LTBP4: variants seen among roughly 807,000 people sequenced by gnomAD.
LTBP4 encodes latent-transforming growth factor beta-binding protein 4.
Under a neutral mutation model 180.2 loss-of-function variants are expected in LTBP4, and 93 were observed. That is an observed-to-expected ratio of 0.52 (90% CI 0.44 to 0.61). The LOEUF is 0.61. Among genes scored for constraint, LTBP4 ranks in the 20% least tolerant of loss-of-function variants. The pLI, the probability that LTBP4 is intolerant of heterozygous loss-of-function variation, is 0.00. For missense variants in LTBP4, 2,116 were observed against 2,256.5 expected (o/e 0.94, Z 1.26); for synonymous variants, 947 against 934.5 (o/e 1.01, Z -0.24).
At chr19:40,599,370 A>G, upstream of LTBP4, 1 of 1,609,964 alleles carries the variant, frequency 6.2e-7, no homozygotes, top group Non-Finnish European at 8.5e-7. Flanking sequence ...CATTTGGTAG[A>G]GAAGTACTTG....
intron 21 of LTBP4, among the ~76,000 whole-genome samples, chr19:40,617,462 G>A (rs1304892284): frequency 6.6e-6 from 1 of 152,082 alleles, no homozygotes; most frequent in East Asian, 1.9e-4. Flanking sequence ...TGGTCAACAT[G>A]GTGAAACCCC....
upstream of LTBP4, among the ~76,000 whole-genome samples, chr19:40,598,137 G>T (rs368694346): frequency 7.1e-6 from 1 of 140,254 alleles, no homozygotes; most frequent in Admixed American, 7.3e-5. Flanking sequence ...CCCGCCTGGC[G>T]GCCCAGCGCT....
chr19:40,618,096 C>T (rs554089618), intron 21 of LTBP4, among the ~76,000 whole-genome samples: 1 of 151,660 alleles, frequency 6.6e-6, no homozygotes, highest in Non-Finnish European at 1.5e-5. Flanking sequence ...TGGGGTCTTG[C>T]TCTGTTGCCC....
upstream of LTBP4, among the ~76,000 whole-genome samples, chr19:40,596,979 C>G (rs2081393775): frequency 6.6e-6 from 1 of 152,076 alleles, no homozygotes; most frequent in Admixed American, 6.6e-5. Flanking sequence ...TCCTAATTTC[C>G]CCCCACCGCG....
intron 1 of LTBP4, among the ~76,000 whole-genome samples, chr19:40,593,833 G>T (rs944269103): frequency 6.6e-6 from 1 of 151,702 alleles, no homozygotes; most frequent in Admixed American, 6.6e-5. Flanking sequence ...TTTCTCTGTT[G>T]CCCGGGTTGG....
intron 1 of LTBP4, chr19:40,593,228 A>G (rs1450659795): frequency 6.2e-7 from 1 of 1,611,228 alleles, no homozygotes; most frequent in Non-Finnish European, 8.5e-7. Flanking sequence ...TGTGCACCTC[A>G]AACCCTAATT....
chr19:40,596,877 C>A (rs2081393196), upstream of LTBP4, among the ~76,000 whole-genome samples: 1 of 152,088 alleles, frequency 6.6e-6, no homozygotes, highest in Admixed American at 6.6e-5. Context: ...GGACCCTGCC[C>A]CCAACCCCGC....
intron 19 of LTBP4, among the ~76,000 whole-genome samples, chr19:40,615,631 G>A (rs1272078623): frequency 3.9e-5 from 6 of 152,120 alleles, no homozygotes; most frequent in Non-Finnish European, 7.3e-5. Flanking sequence ...GGTGGCATGC[G>A]CCTGTAGTCC....
Position 40,619,364 on chromosome 19 carries a change from A to G in LTBP4, c.3088A>G (p.Thr1030Ala). The G allele has an allele frequency of 6.2e-7, 1 of 1,613,814 alleles. No individual in the cohort carries two copies. Reference protein sequence around the residue: ...RHCVDVNECETLQGVCGAALC... With the variant: ...RHCVDVNECEALQGVCGAALC... ...GCTTACAGATGTGAACGAGTGTGAAACACTACAGGGTGTATGTGGAGCTGC... is the reference window on the plus strand; with the variant it reads ...GCTTACAGATGTGAACGAGTGTGAAGCACTACAGGGTGTATGTGGAGCTGC... Residue 1030 changes from threonine (T) to alanine (A), a missense_variant, in exon 22 of 30, where the codon ACA becomes GCA. Around this residue, in one of 5 missense-constraint regions of LTBP4, gnomAD observed 278 missense variants for 373.0 expected, o/e 0.75. Coordinates refer to ENST00000396819, the MANE Select transcript of LTBP4 (RefSeq NM_001042545.2).
At chr19:40,594,065 T>C (rs1599853477) in intron 1 of LTBP4, among the ~76,000 whole-genome samples, 1 of 138,126 alleles carries the variant, frequency 7.2e-6, no homozygotes, top group African/African-American at 2.7e-5. Context: ...CCCAAAGTGC[T>C]GGGATTACAG....
At chr19:40,606,359 G>A (rs760663935) in intron 5 of LTBP4, 45 bp from the exon 6 acceptor site, 1 of 1,604,610 alleles carries the variant, frequency 6.2e-7, no homozygotes, top group Non-Finnish European at 8.5e-7. Context: ...GGGATTTGCA[G>A]GGATCAAGTT....
At chr19:40,595,723 G>T (rs2081386317) in intron 1 of LTBP4, among the ~76,000 whole-genome samples, 1 of 151,820 alleles carries the variant, frequency 6.6e-6, no homozygotes, top group Non-Finnish European at 1.5e-5. Context: ...ATAGTTTTAT[G>T]TATTTATTTA....
upstream of LTBP4, chr19:40,597,398 T>C: frequency 6.7e-7 from 1 of 1,499,662 alleles, no homozygotes; most frequent in Non-Finnish European, 8.9e-7. Flanking sequence ...CCCTGCTTCC[T>C]TGTGCCCCTT....
chr19:40,608,349 C>A lies in LTBP4; in HGVS notation c.1286C>A (p.Ala429Asp). The change falls in exon 8 of 30, where the codon GCC (alanine) becomes GAC (aspartate). Residue 429 changes from alanine to aspartate, a missense_variant. Ala to Asp is a moderately radical substitution (Grantham distance 126). This residue lies in a region of LTBP4 where 877 missense variants were observed against 873.6 expected (regional missense o/e 1.00). Transcript: ENST00000396819. Reference protein sequence around the residue: ...VSLSQPRTLPATSRPSAGFLP... With the variant: ...VSLSQPRTLPDTSRPSAGFLP... ...CTCAGCCAGCCTCGTACCCTGCCAGCCACCTCTCGGCCATCTGCAGGTGAG... is the reference window on the plus strand; with the variant it reads ...CTCAGCCAGCCTCGTACCCTGCCAGACACCTCTCGGCCATCTGCAGGTGAG... The A allele has an allele frequency of 4.3e-6, 7 of 1,613,324 alleles. No individual in the cohort carries two copies. Among genetic ancestry groups the A allele is most frequent in the Non-Finnish European group, 5.9e-6 (7 of 1,179,686 alleles).
At position 40,605,351 on chromosome 19, in the gene LTBP4, C is replaced by G; in HGVS notation, c.443-54C>G. 1 of 1,603,898 alleles carries G rather than the reference C, an allele frequency of 6.2e-7. No homozygotes were observed. Among genetic ancestry groups the G allele is most frequent in the East Asian group, 2.2e-5 (1 of 44,770 alleles). Reference sequence around the variant, plus strand: ...CTCGCCCTCCCCGCCTTGTCTAGCCCCACCCCGTAAGAACCCGTGTAGACA... The same window carrying G: ...CTCGCCCTCCCCGCCTTGTCTAGCCGCACCCCGTAAGAACCCGTGTAGACA... On this transcript the variant is annotated intron_variant, in intron 2 of 29. Coordinates refer to ENST00000396819, the MANE Select transcript of LTBP4 (RefSeq NM_001042545.2). This position sits in a 1 kb window ranked among gnomAD's most constrained non-coding sequence, Gnocchi z 5.5.
rs754349564 is a variant in LTBP4 at position 40,625,882 on chromosome 19, G to T, written c.3858G>T (p.Gln1286His). The change falls in exon 27 of 30, where the codon CAG (glutamine) becomes CAT (histidine). Residue 1286 changes from glutamine (Q) to histidine (H), a missense_variant. Gln to His is a conservative substitution (Grantham distance 24, BLOSUM62 0). Around this residue, in one of 5 missense-constraint regions of LTBP4, gnomAD observed 488 missense variants for 458.8 expected, o/e 1.06. Coordinates refer to ENST00000396819, the MANE Select transcript of LTBP4 (RefSeq NM_001042545.2). ...ATGACAATCTGGGAGTGTGCTGGCA[G>T]GAAGTGGGGGCTGACCTCGTGTGCA... is the stretch of plus-strand genomic sequence containing the variant. ...SLDDNLGVCW[Q>H]EVGADLVCSH... 8.8e-6 allele frequency: 14 copies of T among 1,595,934 alleles called. No individual in the cohort carries two copies. The Admixed American group carries it at 1.4e-4, about 16-fold the overall frequency.
Position 40,629,336 on chromosome 19 carries a change from CAAG to C in LTBP4, c.4520-59_4520-57del. ...CCTCTGTTCCAAGAACTTAAGGGGCCAAGGAGGCGAGCTTCTGGGGCCCCAGCC... is the reference window on the plus strand; with the variant it reads ...CCTCTGTTCCAAGAACTTAAGGGGCCGAGGCGAGCTTCTGGGGCCCCAGCC... On this transcript the variant is annotated intron_variant, in intron 29 of 29. Transcript: ENST00000396819. This position sits in a 1 kb window ranked among gnomAD's most constrained non-coding sequence, Gnocchi z 4.5. 6.2e-7 allele frequency: 1 copy of C among 1,605,916 alleles called. No individual in the cohort carries two copies.
intron 1 of LTBP4, among the ~76,000 whole-genome samples, chr19:40,593,519 C>T (rs1008774618): frequency 6.6e-6 from 1 of 152,002 alleles, no homozygotes; most frequent in African/African-American, 2.4e-5. Context: ...GCTGGGATTA[C>T]AGGTGTGAGC....
chr19:40,598,197 G>A (rs1341416942), upstream of LTBP4, among the ~76,000 whole-genome samples: 1 of 151,414 alleles, frequency 6.6e-6, no homozygotes, highest in Non-Finnish European at 1.5e-5. Context: ...CTGCGAATGC[G>A]TTTAGTAACC....
Sources: allele counts gnomAD v4.1 joint callset (sites outside exome capture counted in the v4.1 genomes callset), GRCh38; gene constraint gnomAD v4.1.1; regional missense constraint gnomAD v4.1.1; non-coding constraint Gnocchi (gnomAD v3.1); transcripts MANE v1.5; gene names NCBI Gene and HGNC (gene_info 2026-07-23, HGNC 2026-07-21).